The following RAPGEF4 variants were observed in gnomAD, a reference collection of about 807,000 sequenced individuals.
RAPGEF4 encodes RAP guanine-nucleotide-exchange factor (GEF) 4.
Under a neutral mutation model 147.9 loss-of-function variants are expected in RAPGEF4, and 66 were observed. The ratio of observed to expected loss-of-function variants is 0.45; its 90% CI spans 0.37 to 0.55. The LOEUF (loss-of-function observed/expected upper bound fraction) is 0.55. RAPGEF4 is among the 20% of genes least tolerant of loss of function. The pLI is 0.00. For synonymous variants in RAPGEF4, 419 were observed against 442.7 expected, an observed-to-expected ratio of 0.95 and a Z score of 0.67; for missense variants, 1,071 against 1,257.3, an observed-to-expected ratio of 0.85 and a Z score of 2.24.
chr2:172,965,710 C>A, intron 9 of RAPGEF4, 27 bp downstream of exon 9: 1 of 1,613,970 alleles, frequency 6.2e-7, no homozygotes, highest in Non-Finnish European at 8.5e-7. Flanking sequence ...TCCCTGGAAA[C>A]CTCTCAAGAA....
intron 1 of RAPGEF4, among the ~76,000 whole-genome samples, chr2:172,762,364 G>C (rs1696430707): frequency 6.6e-6 from 1 of 152,116 alleles, no homozygotes; most frequent in African/African-American, 2.4e-5. Flanking sequence ...GGCCTCCACT[G>C]TTTCTTTTGC....
chr2:173,050,911 C>T lies in RAPGEF4; in HGVS notation c.2909-729C>T, dbSNP rs183082244. Reference sequence around the variant, plus strand: ...TTTCCTTATTCATGTATGTTCCCTGCGAGGGCTGAGTGCATTGGCTCATCA... The same window carrying T: ...TTTCCTTATTCATGTATGTTCCCTGTGAGGGCTGAGTGCATTGGCTCATCA... On this transcript the variant is annotated intron_variant, in intron 30 of 30. Coordinates refer to ENST00000397081, the MANE Select transcript of RAPGEF4 (RefSeq NM_007023.4). Among the ~76,000 whole-genome samples, 276 of 152,242 alleles carry T rather than the reference C, an allele frequency of 1.8e-3. 1 individual carries two copies. The highest frequency in any genetic ancestry group is 6.3e-3 in the African/African-American group (261 of 41,538).
At chr2:172,750,718 T>C (rs77043327) in intron 1 of RAPGEF4, among the ~76,000 whole-genome samples, 2,171 of 152,334 alleles carry the variant, frequency 0.014, 52 homozygotes, top group African/African-American at 0.049. Context: ...AGTTTTGATT[T>C]GCATTTCTCT....
rs147968674 is a variant in RAPGEF4 at position 172,789,854 on chromosome 2, A to G, written c.66-5171A>G. On this transcript the variant is annotated intron_variant, in intron 1 of 30. Transcript: ENST00000397081. ...TATATGTGTATTATTTTCTTTATCC[A>G]TTTATCTACTGATAGGCATTTAGGT... 3.9e-3 allele frequency among the ~76,000 whole-genome samples: 593 copies of G among 152,280 alleles called. 3 individuals carry two copies. Among genetic ancestry groups the G allele is most frequent in the African/African-American group, 0.014 (579 of 41,552 alleles).
chr2:173,046,171 G>A (rs1405406202), intron 29 of RAPGEF4, among the ~76,000 whole-genome samples: 1 of 152,080 alleles, frequency 6.6e-6, no homozygotes, highest in Non-Finnish European at 1.5e-5. Flanking sequence ...TTATCTTTGA[G>A]AACAATTAAA....
chr2:172,965,517 G>A (rs1267289230), intron 8 of RAPGEF4, 45 bp from the exon 9 acceptor site: 1 of 1,594,760 alleles, frequency 6.3e-7, no homozygotes, highest in African/African-American at 1.3e-5. Flanking sequence ...TCCTCTATCT[G>A]AAAAGGGGTG....
At chr2:172,874,756 T>G (rs1695680052) in intron 4 of RAPGEF4, among the ~76,000 whole-genome samples, 1 of 152,226 alleles carries the variant, frequency 6.6e-6, no homozygotes, top group East Asian at 1.9e-4. Flanking sequence ...CCTTCGGGTA[T>G]ATACCCAGTA....
At chr2:172,855,953 A>G (rs1693374987) in intron 4 of RAPGEF4, among the ~76,000 whole-genome samples, 1 of 151,854 alleles carries the variant, frequency 6.6e-6, no homozygotes, top group African/African-American at 2.4e-5. Context: ...TTTGTTTTTT[A>G]TTAATCTGGT....
At chr2:172,841,286 C>T (rs929400354) in intron 4 of RAPGEF4, among the ~76,000 whole-genome samples, 2 of 152,178 alleles carry the variant, frequency 1.3e-5, no homozygotes, top group African/African-American at 4.8e-5. Flanking sequence ...CTCCTTCCCC[C>T]TTTCTTCCTT....
intron 6 of RAPGEF4, among the ~76,000 whole-genome samples, chr2:172,927,412 C>CT (rs1407549582): frequency 6.6e-6 from 1 of 152,204 alleles, no homozygotes; most frequent in East Asian, 1.9e-4. Flanking sequence ...TACAGACTGG[C>CT]TAAGACAATG....
chr2:173,002,865 A>G (rs542599593), intron 17 of RAPGEF4, among the ~76,000 whole-genome samples: 18 of 152,196 alleles, frequency 1.2e-4, no homozygotes, highest in Non-Finnish European at 2.2e-4. Context: ...ACTTACATAC[A>G]TTATATATTT....
Position 173,030,185 on chromosome 2 carries a change from G to C in RAPGEF4, c.2580G>C (p.Leu860=), listed in dbSNP as rs752066540. 73 of 1,612,928 alleles carry C rather than the reference G, an allele frequency of 4.5e-5. 1 individual carries two copies. In the Admixed American group the frequency reaches 8.2e-4, roughly 18 times the overall value. Residue 860 remains leucine, a synonymous_variant, in exon 26 of 31, where the codon CTG becomes CTC. Coordinates refer to ENST00000397081, the MANE Select transcript of RAPGEF4 (RefSeq NM_007023.4). ...IAAHCKEYKN[L]NSFFAIVMGL... ...TCAGCTGTAAGGAGTATAAAAATCT[G>C]AATTCCTTTTTTGCCATCGTCATGG...
chr2:172,821,773 C>G, intron 4 of RAPGEF4: 13 of 938,076 alleles, frequency 1.4e-5, no homozygotes, highest in East Asian at 1.6e-4. Context: ...GAAGTGTTTT[C>G]TTATTGCCTT....
chr2:172,995,504 T>C (rs1312086441), intron 15 of RAPGEF4, among the ~76,000 whole-genome samples: 1 of 152,184 alleles, frequency 6.6e-6, no homozygotes, highest in African/African-American at 2.4e-5. Flanking sequence ...GGTTGCGAAC[T>C]TCTGAGCTCA....
At chr2:172,934,429 G>T (rs1330770137) in intron 6 of RAPGEF4, among the ~76,000 whole-genome samples, 1 of 152,128 alleles carries the variant, frequency 6.6e-6, no homozygotes, top group African/African-American at 2.4e-5. Context: ...GGGATTACAG[G>T]TGTGAGCCAC....
intron 4 of RAPGEF4, among the ~76,000 whole-genome samples, chr2:172,899,884 G>A (rs554882119): frequency 6.6e-6 from 1 of 152,304 alleles, no homozygotes; most frequent in East Asian, 1.9e-4. Flanking sequence ...ATCCCAGCAA[G>A]GGAACAGACA....
At chr2:173,028,173 A>G (rs370964057) in intron 25 of RAPGEF4, among the ~76,000 whole-genome samples, 11 of 152,352 alleles carry the variant, frequency 7.2e-5, no homozygotes, top group Admixed American at 5.9e-4. Context: ...GTTCAATAGA[A>G]TACCAAATCC....
In RAPGEF4 at chr2:172,829,563, G is replaced by A. The variant is rs758324242; in HGVS notation, c.444+15138G>A. 1.4e-4 allele frequency among the ~76,000 whole-genome samples: 21 copies of A among 152,212 alleles called. No individual in the cohort carries two copies. In the East Asian group the frequency reaches 2.9e-3, roughly 21 times the overall value. On this transcript the variant is annotated intron_variant, in intron 4 of 30. Coordinates refer to ENST00000397081, the MANE Select transcript of RAPGEF4 (RefSeq NM_007023.4). The stretch of plus-strand genomic sequence containing the variant: ...AAGTAATGATAACAGATGAATTTTA[G>A]TGACCACCAACTAAGTGCCAGAAAC...
intron 6 of RAPGEF4, among the ~76,000 whole-genome samples, chr2:172,956,219 G>A (rs1688714281): frequency 6.6e-6 from 1 of 152,034 alleles, no homozygotes. Flanking sequence ...TTCTCCCTCT[G>A]TCCCTTTGCT....
Sources: gnomAD v4.1 joint callset for allele counts (sites outside exome capture counted in the v4.1 genomes callset) on GRCh38, gnomAD v4.1.1 for gene constraint, MANE v1.5 for transcripts, NCBI Gene and HGNC (gene_info 2026-07-23, HGNC 2026-07-21) for gene names.